Variants in FLG observed in about 807,000 individuals in gnomAD.
The protein encoded by FLG is epidermal filaggrin.
Under a neutral mutation model 3.8 loss-of-function variants are expected in FLG, and 6 were observed. That is an observed-to-expected ratio of 1.60 (90% CI 0.87 to 3.15). The LOEUF (loss-of-function observed/expected upper bound fraction) is 3.15. Among genes scored for constraint, FLG ranks in the 30% most tolerant of loss-of-function variants. The pLI is 0.00. For missense variants in FLG, 7,595 were observed against 5,050.9 expected (o/e 1.50, Z -15.27); for synonymous variants, 2,551 against 1,931.6 (o/e 1.32, Z -8.41).
chr1:152,304,246 C>T lies in FLG; in HGVS notation c.10640G>A (p.Gly3547Glu), dbSNP rs146088912. 17 of 1,613,102 alleles carry T rather than the reference C, an allele frequency of 1.1e-5. No individual in the cohort carries two copies. The highest frequency in any genetic ancestry group is 1.7e-5 in the Admixed American group (1 of 59,872). Residue 3547 changes from glycine (G) to glutamate (E), a missense_variant, in exon 3 of 3, where the codon GGA becomes GAA. By Grantham distance (98) the Gly-to-Glu change is moderately conservative. Coordinates refer to ENST00000368799, the MANE Select transcript of FLG (RefSeq NM_002016.2). ...CCACCTCTCAGAGTCTTCTGAGTGT[C>T]CCTGACTGTCACTGTCCTGGCTAAC... The part of the protein sequence containing the change: ...SSVSQDSDSQ[G>E]HSEDSERWSG...
intron 2 of FLG, 23 bp from the exon 3 acceptor site, chr1:152,314,770 G>A: frequency 6.2e-7 from 1 of 1,613,654 alleles, no homozygotes. Context: ...AAGTCACAGA[G>A]GGAGACTGCA....
At position 152,313,149 on chromosome 1, in the gene FLG, G is replaced by A. The variant is rs145104949; in HGVS notation, c.1737C>T (p.Asp579=). The part of the protein sequence containing the change: ...RQTRNEEQSG[D]GTRHSGSRHH... ...GACGTGACCCTGAGTGCCTGGTGCCGTCTCCTGATTGTTCCTCATTTCGTG... is the reference window on the plus strand; with the variant it reads ...GACGTGACCCTGAGTGCCTGGTGCCATCTCCTGATTGTTCCTCATTTCGTG... Residue 579 remains aspartate, a synonymous_variant, in exon 3 of 3, where the codon GAC becomes GAT. Transcript: ENST00000368799. 8.1e-4 allele frequency: 1,301 copies of A among 1,613,804 alleles called. 1 individual carries two copies. Among genetic ancestry groups the A allele is most frequent in the Non-Finnish European group, 1.0e-3 (1,176 of 1,179,994 alleles).
Position 152,309,967 on chromosome 1 carries a change from C to T in FLG, c.4919G>A (p.Arg1640Lys), listed in dbSNP as rs373818541. Residue 1640 changes from arginine to lysine, a missense_variant, in exon 3 of 3, where the codon AGA (arginine) becomes AAA (lysine). Coordinates refer to ENST00000368799, the MANE Select transcript of FLG (RefSeq NM_002016.2). ...CTCTGCAGAGTGCCCATGACTGGCT[C>T]TATCTTCTTGATGGGACCTGGGGTT... ...SRNPRSHQED[R>K]ASHGHSAESS... The T allele has an allele frequency of 1.4e-5, 22 of 1,613,944 alleles. No homozygotes were observed. The highest frequency in any genetic ancestry group is 7.7e-5 in the South Asian group (7 of 91,074).
At chr1:152,320,726 A>G (rs3120659) in intron 1 of FLG, among the ~76,000 whole-genome samples, 45,521 of 150,748 alleles carry the variant, frequency 0.3, 8,638 homozygotes, top group East Asian at 0.62. Context: ...TACATTGAAC[A>G]CTACACCTAA....
Position 152,312,523 on chromosome 1 carries a change from C to G in FLG, c.2363G>C (p.Arg788Pro), listed in dbSNP as rs142483068. 1.1e-5 allele frequency: 17 copies of G among 1,613,426 alleles called. No homozygotes were observed. The African/African-American group carries it at 1.5e-4, about 14-fold the overall frequency. Residue 788 changes from arginine (R) to proline (P), a missense_variant, in exon 3 of 3, where the codon CGA becomes CCA. Arg to Pro is a moderately radical substitution (Grantham distance 103, BLOSUM62 -2). Coordinates refer to ENST00000368799, the MANE Select transcript of FLG (RefSeq NM_002016.2). ...SARDRSGERSRRSGSFLYQVS... is the reference protein window; with the variant it reads ...SARDRSGERSPRSGSFLYQVS... ...CTGGTAGAGGAAAGACCCTGAACGT[C>G]GAGACCTTTCCCCTGACCGGTCACG...
chr1:152,306,377 C>T lies in FLG; in HGVS notation c.8509G>A (p.Ala2837Thr), dbSNP rs751798732. 1.9e-6 allele frequency: 3 copies of T among 1,602,454 alleles called. No individual in the cohort carries two copies. The highest frequency in any genetic ancestry group is 4.5e-5 in the East Asian group (2 of 44,890). The change falls in exon 3 of 3, where the codon GCA becomes ACA. Residue 2837 changes from alanine to threonine, a missense_variant. Physicochemically the swap from Ala to Thr is moderately conservative, Grantham distance 58. Transcript: ENST00000368799. ...TCCTCATTACGTGTTGTTCTGCTTG[C>T]ACTTCTGGATCCTGACTGCCCACGG... The part of the protein sequence containing the change: ...ASRGQSGSRS[A>T]SRTTRNEEQS...
In FLG at chr1:152,308,066, G is replaced by A. The variant is rs189813575; in HGVS notation, c.6820C>T (p.Gln2274Ter). ...SRNHHGSAQEQSRDGSRHPRS... is the reference protein window; with the variant it reads ...SRNHHGSAQE ...GGGTGTCTGGAGCCATCTCTTGACT[G>A]CTCCTGAGCAGATCCATGATGGTTT... The change falls in exon 3 of 3, where the codon CAG becomes TAG. Residue 2274 changes from glutamine (Q) to a stop codon, truncating the protein, a stop_gained. Transcript: ENST00000368799. LOFTEE classifies it low-confidence loss of function (END_TRUNC). 4.3e-6 allele frequency: 7 copies of A among 1,614,120 alleles called. No homozygotes were observed. Among genetic ancestry groups the A allele is most frequent in the Admixed American group, 1.7e-5 (1 of 60,020 alleles).
chr1:152,307,787 G>T lies in FLG; in HGVS notation c.7099C>A (p.Gln2367Lys). The change falls in exon 3 of 3, where the codon CAG (glutamine) becomes AAG (lysine). Residue 2367 changes from glutamine to lysine, a missense_variant. Gln to Lys is a moderately conservative substitution (Grantham distance 53). Transcript: ENST00000368799. ...GAATGTCCCTCACTGTCACTGGCCT[G>T]ACTACCACTGGACCCTCGGTGTCCA... ...DSGHRGSSGSQASDSEGHSED... is the reference protein window; with the variant it reads ...DSGHRGSSGSKASDSEGHSED... 6.2e-7 allele frequency: 1 copy of T among 1,613,376 alleles called. No homozygotes were observed.
Position 152,311,904 on chromosome 1 carries a change from A to G in FLG, c.2982T>C (p.Gly994=), listed in dbSNP as rs774076963. ...HPRSHHEDRA[G]HGHSADSSRQ... is the part of the protein sequence containing the mutation. The stretch of plus-strand genomic sequence containing the variant: ...TGGAGCTGTCTGCAGAGTGCCCGTG[A>G]CCGGCTCTGTCTTCGTGATGGGACC... Residue 994 remains glycine (G), a synonymous_variant, in exon 3 of 3, where the codon GGT becomes GGC. Transcript: ENST00000368799. 1.2e-6 allele frequency: 2 copies of G among 1,614,026 alleles called. No individual in the cohort carries two copies. Among genetic ancestry groups the G allele is most frequent in the Admixed American group, 1.7e-5 (1 of 60,018 alleles).
Position 152,310,498 on chromosome 1 carries a change from C to T in FLG, c.4388G>A (p.Gly1463Glu), listed in dbSNP as rs571541022. Residue 1463 changes from glycine to glutamate, a missense_variant, in exon 3 of 3, where the codon GGA becomes GAA. Coordinates refer to ENST00000368799, the MANE Select transcript of FLG (RefSeq NM_002016.2). ...STHGQTAPST[G>E]GRQGSRHEQA... ...CTCATGGCGGGATCCTTGTCTTCCT[C>T]CAGTGCTGGGTGCAGTCTGTCCGTG... is the stretch of plus-strand genomic sequence containing the variant. 21 of 1,613,872 alleles carry T rather than the reference C, an allele frequency of 1.3e-5. No homozygotes were observed. In the South Asian group the frequency reaches 1.8e-4, roughly 14 times the overall value.
chr1:152,314,814 A>G (rs1460035282), intron 2 of FLG, 67 bp from the exon 3 acceptor site: 4 of 1,598,006 alleles, frequency 2.5e-6, no homozygotes, highest in South Asian at 2.3e-5. Flanking sequence ...CAATTAATTC[A>G]AAGTTAATTT....
chr1:152,312,523 C>T lies in FLG; in HGVS notation c.2363G>A (p.Arg788Gln), dbSNP rs142483068. ...SARDRSGERS[R>Q]RSGSFLYQVS... ...CTGGTAGAGGAAAGACCCTGAACGT[C>T]GAGACCTTTCCCCTGACCGGTCACG... Residue 788 changes from arginine to glutamine, a missense_variant, in exon 3 of 3, where the codon CGA becomes CAA. Arg to Gln is a conservative substitution (Grantham distance 43). Coordinates refer to ENST00000368799, the MANE Select transcript of FLG (RefSeq NM_002016.2). 1.8e-4 allele frequency: 286 copies of T among 1,613,544 alleles called. No homozygotes were observed. Among genetic ancestry groups the T allele is most frequent in the Middle Eastern group, 3.3e-4 (2 of 6,060 alleles).
Position 152,311,747 on chromosome 1 carries a change from A to C in FLG, c.3139T>G (p.Ser1047Ala). The C allele has an allele frequency of 8.1e-6, 13 of 1,613,804 alleles. No homozygotes were observed. The highest frequency in any genetic ancestry group is 1.1e-5 in the Non-Finnish European group (13 of 1,179,964). Residue 1047 changes from serine (S) to alanine (A), a missense_variant, in exon 3 of 3, where the codon TCA becomes GCA. Ser to Ala is a moderately conservative substitution (Grantham distance 99, BLOSUM62 1). Transcript: ENST00000368799. The part of the protein sequence containing the change: ...HQQSADSSRH[S>A]GIPRRQASSA... ...GAAGCTTGTCTGCGCGGAATGCCTGAGTGTCTGGAGCTGTCTGCTGACTGC... is the reference window on the plus strand; with the variant it reads ...GAAGCTTGTCTGCGCGGAATGCCTGCGTGTCTGGAGCTGTCTGCTGACTGC...
At chr1:152,319,316 G>A (rs1401869139) in intron 1 of FLG, among the ~76,000 whole-genome samples, 1 of 149,922 alleles carries the variant, frequency 6.7e-6, no homozygotes, top group Admixed American at 6.7e-5. Context: ...AAATGTGTGT[G>A]TGTGTGTGTG....
Position 152,313,819 on chromosome 1 carries a change from G to A in FLG, c.1067C>T (p.Ser356Leu), listed in dbSNP as rs148805566. Residue 356 changes from serine (S) to leucine (L), a missense_variant, in exon 3 of 3, where the codon TCA (serine) becomes TTA (leucine). Transcript: ENST00000368799. ...HGHSADSSRQSGTRHAETSSR... is the reference protein window; with the variant it reads ...HGHSADSSRQLGTRHAETSSR... ...GGAAGTCTCTGCGTGACGAGTGCCT[G>A]ATTGTCTGGAGCTGTCTGCAGAGTG... 5.6e-5 allele frequency: 90 copies of A among 1,614,178 alleles called. No individual in the cohort carries two copies. In the African/African-American group the frequency reaches 1.1e-3, roughly 19 times the overall value.
Position 152,313,403 on chromosome 1 carries a change from A to G in FLG, c.1483T>C (p.Ser495Pro). 2.5e-6 allele frequency: 4 copies of G among 1,613,284 alleles called. No individual in the cohort carries two copies. Among genetic ancestry groups the G allele is most frequent in the Non-Finnish European group, 1.7e-6 (2 of 1,179,846 alleles). ...CTGTCTCGTGCCTGCTCGTGGTGCG[A>G]TCCTTGTCTTCCTCCAGTGCTGGTC... ...TGTSTGGRQGSHHEQARDSSR... is the reference protein window; with the variant it reads ...TGTSTGGRQGPHHEQARDSSR... Residue 495 changes from serine (S) to proline (P), a missense_variant, in exon 3 of 3, where the codon TCG becomes CCG. Ser to Pro is a moderately conservative substitution (Grantham distance 74). Transcript: ENST00000368799.
chr1:152,324,993 T>C (rs1038311367), intron 1 of FLG, among the ~76,000 whole-genome samples, 196 bp downstream of exon 1: 1 of 151,836 alleles, frequency 6.6e-6, no homozygotes, highest in Non-Finnish European at 1.5e-5. Flanking sequence ...ATACAGAGTA[T>C]TGAGTAGCTC....
At position 152,313,111 on chromosome 1, in the gene FLG, G is replaced by C; in HGVS notation, c.1775C>G (p.Ser592Cys). Reference sequence around the variant, plus strand: ...GTGTCTAGAGCTGTCAGCCTGAGAGGAAGCTTCATGATGACGTGACCCTGA... The same window carrying C: ...GTGTCTAGAGCTGTCAGCCTGAGAGCAAGCTTCATGATGACGTGACCCTGA... ...RHSGSRHHEA[S>C]SQADSSRHSQ... is the part of the protein sequence containing the mutation. The change falls in exon 3 of 3, where the codon TCC (serine) becomes TGC (cysteine). Residue 592 changes from serine (S) to cysteine (C), a missense_variant. By Grantham distance (112) the Ser-to-Cys change is moderately radical. Transcript: ENST00000368799. The C allele has an allele frequency of 6.2e-7, 1 of 1,613,874 alleles. No homozygotes were observed. Among genetic ancestry groups the C allele is most frequent in the Non-Finnish European group, 8.5e-7 (1 of 1,180,006 alleles).
rs1267138033 is a variant in FLG, at chr1:152,305,053, T to C, written c.9833A>G (p.His3278Arg). Reference protein sequence around the residue: ...ADRSRQSGTRHAETSSGGQAA... With the variant: ...ADRSRQSGTRRAETSSGGQAA... ...CTGTCCACCAGAGGAAGTCTCTGCG[T>C]GACGAGTGCCTGATTGTCTGGAGCG... is the stretch of plus-strand genomic sequence containing the variant. The change falls in exon 3 of 3, where the codon CAC (histidine) becomes CGC (arginine). Residue 3278 changes from histidine to arginine, a missense_variant. Coordinates refer to ENST00000368799, the MANE Select transcript of FLG (RefSeq NM_002016.2). 4 of 1,613,868 alleles carry C rather than the reference T, an allele frequency of 2.5e-6. No individual in the cohort carries two copies. In the Admixed American group the frequency reaches 5.0e-5, roughly 20 times the overall value.
Sources: gnomAD v4.1 joint callset for allele counts (sites outside exome capture counted in the v4.1 genomes callset) on GRCh38, gnomAD v4.1.1 for gene constraint, MANE v1.5 for transcripts, NCBI Gene and HGNC (gene_info 2026-07-23, HGNC 2026-07-21) for gene names.